SEL1L: variants seen among roughly 807,000 people sequenced by gnomAD.
SEL1L encodes SEL1L adaptor subunit of SYVN1 ubiquitin ligase, also known as protein sel-1 homolog 1.
Under a neutral mutation model 109.8 loss-of-function variants are expected in SEL1L, and 52 were observed. The ratio of observed to expected loss-of-function variants is 0.47; its 90% confidence interval spans 0.38 to 0.60. The LOEUF (loss-of-function observed/expected upper bound fraction) is 0.60, where lower values mean the gene tolerates loss of function less well. Ranked by LOEUF, SEL1L falls within the 20% of genes least tolerant of loss-of-function variation. The pLI, the probability that SEL1L is intolerant of heterozygous loss-of-function variation, is 0.00. For synonymous variants in SEL1L, 373 were observed against 339.6 expected (o/e 1.10, Z -1.08); for missense variants, 749 against 962.2 (o/e 0.78, Z 2.93).
chr14:81,507,928 T>C (rs1884307476), intron 3 of SEL1L, among the ~76,000 whole-genome samples: 1 of 152,198 alleles, frequency 6.6e-6, no homozygotes, highest in South Asian at 2.1e-4. Flanking sequence ...CTGTGCACTT[T>C]GAGCAAATTA....
At chr14:81,526,372 G>A (rs1416169396) in intron 3 of SEL1L, among the ~76,000 whole-genome samples, 8 of 152,078 alleles carry the variant, frequency 5.3e-5, no homozygotes, top group African/African-American at 1.9e-4. Context: ...TAACCATAGT[G>A]GCATGTTAGA....
At chr14:81,490,509 T>G in intron 12 of SEL1L, 44 bp from the exon 13 acceptor site, 2 of 1,419,036 alleles carry the variant, frequency 1.4e-6, no homozygotes, top group African/African-American at 1.4e-5. Context: ...TAACCCTCTC[T>G]CCAATTACAT....
intron 16 of SEL1L, among the ~76,000 whole-genome samples, chr14:81,486,729 T>C (rs1484083357): frequency 6.6e-6 from 1 of 151,954 alleles, no homozygotes; most frequent in Non-Finnish European, 1.5e-5. Context: ...ATGATTTATG[T>C]ATATTACCAT....
chr14:81,489,738 G>C (rs111505357), intron 13 of SEL1L, among the ~76,000 whole-genome samples: 126 of 152,206 alleles, frequency 8.3e-4, no homozygotes, highest in African/African-American at 2.9e-3. Context: ...TGTAATAATA[G>C]CAATGCTGCT....
chr14:81,499,796 T>G, intron 6 of SEL1L, 134 bp from the exon 7 acceptor site: 1 of 554,704 alleles, frequency 1.8e-6, no homozygotes, highest in Non-Finnish European at 3.0e-6. Context: ...AATTCAAGTA[T>G]GTACAAACAT....
At chr14:81,498,633 G>A in intron 8 of SEL1L, 139 bp from the exon 9 acceptor site, 1 of 624,464 alleles carries the variant, frequency 1.6e-6, no homozygotes, top group Non-Finnish European at 2.8e-6. Flanking sequence ...TATGCTAAGT[G>A]TTAGGTTTTG....
chr14:81,510,624 T>C (rs915380368), intron 3 of SEL1L, among the ~76,000 whole-genome samples: 1 of 152,014 alleles, frequency 6.6e-6, no homozygotes, highest in African/African-American at 2.4e-5. Flanking sequence ...TCTTGATCTA[T>C]ACAGATAAAC....
chr14:81,533,793 T>TGCCACCACGGACTCAGCCACCACC lies in SEL1L; in HGVS notation c.-73_-50dup. On this transcript the variant is annotated 5_prime_UTR_variant, in exon 1 of 21. Coordinates refer to ENST00000336735, the MANE Select transcript of SEL1L (RefSeq NM_005065.6). ...CCCCTAGAGCTGTCGCCTTCGCCTCTGCCACCACGGACTCAGCCACCACCG... is the reference window on the plus strand; with the variant it reads ...CCCCTAGAGCTGTCGCCTTCGCCTCTGCCACCACGGACTCAGCCACCACCGCCACCACGGACTCAGCCACCACCG... The TGCCACCACGGACTCAGCCACCACC allele has an allele frequency of 1.9e-6, 3 of 1,570,592 alleles. No homozygotes were observed. Among genetic ancestry groups the TGCCACCACGGACTCAGCCACCACC allele is most frequent in the African/African-American group, 2.7e-5 (2 of 74,132 alleles).
At position 81,476,026 on chromosome 14, in the gene SEL1L, A is replaced by T. The variant is rs1406971973; in HGVS notation, c.*946T>A. ...AGGAAGGTGATGTGTTCTTTGTGCA[A>T]AAAGAAATGCAAAGTAAAATAAATC... On this transcript the variant is annotated 3_prime_UTR_variant, in exon 21 of 21. Coordinates refer to ENST00000336735, the MANE Select transcript of SEL1L (RefSeq NM_005065.6). 1 of 152,194 alleles carries T rather than the reference A, an allele frequency of 6.6e-6. No individual in the cohort carries two copies. The highest frequency in any genetic ancestry group is 1.5e-5 in the Non-Finnish European group (1 of 68,036). The allele number at this position is 152,194 out of a possible 1,614,324, so 9.4% of individuals were successfully genotyped here.
intron 9 of SEL1L, 182 bp downstream of exon 9, chr14:81,498,231 A>T: frequency 1.2e-6 from 1 of 831,620 alleles, no homozygotes; most frequent in East Asian, 2.7e-5. Flanking sequence ...TCACAACGTA[A>T]ATAGAACCTA....
intron 12 of SEL1L, among the ~76,000 whole-genome samples, chr14:81,491,863 T>C (rs1446260498): frequency 2.0e-5 from 3 of 152,184 alleles, no homozygotes; most frequent in Non-Finnish European, 2.9e-5. Flanking sequence ...CAAACTCTAA[T>C]TGCCTCTATT....
At chr14:81,480,587 C>A (rs186747697) in intron 19 of SEL1L, among the ~76,000 whole-genome samples, 1 of 152,042 alleles carries the variant, frequency 6.6e-6, no homozygotes, top group Non-Finnish European at 1.5e-5. Context: ...GGTGTGGTGG[C>A]GCCTGCCTGT....
chr14:81,513,978 G>C (rs1431468263), intron 3 of SEL1L, among the ~76,000 whole-genome samples: 3 of 152,190 alleles, frequency 2.0e-5, no homozygotes, highest in Admixed American at 1.3e-4. Context: ...TGCTTCCTGG[G>C]TCCTAATGCT....
chr14:81,493,338 C>T (rs572301190), intron 11 of SEL1L, among the ~76,000 whole-genome samples: 39 of 152,114 alleles, frequency 2.6e-4, no homozygotes, highest in South Asian at 8.3e-4. Flanking sequence ...AGTGAAACTC[C>T]GTCTCTACTA....
chr14:81,482,172 T>C (rs1903378540), intron 19 of SEL1L, among the ~76,000 whole-genome samples: 2 of 152,234 alleles, frequency 1.3e-5, no homozygotes, highest in African/African-American at 4.8e-5. Context: ...TTTTATCATA[T>C]TCTTTATTCA....
chr14:81,487,742 C>T (rs1903564285), intron 15 of SEL1L, 113 bp downstream of exon 15: 19 of 1,533,774 alleles, frequency 1.2e-5, no homozygotes, highest in Non-Finnish European at 1.7e-5. Flanking sequence ...ACTGGGAGAA[C>T]ATTTAACCAG....
intron 3 of SEL1L, among the ~76,000 whole-genome samples, chr14:81,523,860 ACTC>A: frequency 6.6e-6 from 1 of 152,190 alleles, no homozygotes; most frequent in African/African-American, 2.4e-5. Context: ...AGAAGTGTTA[ACTC>A]AGTGAGAAAG....
intron 1 of SEL1L, among the ~76,000 whole-genome samples, chr14:81,531,304 A>C (rs1219286579): frequency 2.0e-5 from 3 of 152,250 alleles, no homozygotes; most frequent in Non-Finnish European, 4.4e-5. Context: ...ATGCTTCTAA[A>C]ACATGATACT....
At chr14:81,489,045 C>T (rs1883443237) in intron 14 of SEL1L, 2 of 572,178 alleles carry the variant, frequency 3.5e-6, no homozygotes. Context: ...GGAGAAAGTG[C>T]CAGACACAGA....
Sources: gnomAD v4.1 joint callset for allele counts (sites outside exome capture counted in the v4.1 genomes callset) on GRCh38, gnomAD v4.1.1 for gene constraint, MANE v1.5 for transcripts, NCBI Gene and HGNC (gene_info 2026-07-23, HGNC 2026-07-21) for gene names.